The following GTF2F2 variants were observed in gnomAD, a reference collection of about 807,000 sequenced individuals.
The protein encoded by GTF2F2 is ATP-dependent helicase GTF2F2.
Under a neutral mutation model 42.2 loss-of-function variants are expected in GTF2F2, and 23 were observed. That is an observed-to-expected ratio of 0.55 (90% confidence interval 0.39 to 0.77). GTF2F2 has a LOEUF of 0.77. Among genes scored for constraint, GTF2F2 ranks in the 30% least tolerant of loss-of-function variants. GTF2F2 has a pLI of 0.00. For missense variants in GTF2F2, 261 were observed against 287.2 expected, an observed-to-expected ratio of 0.91 and a Z score of 0.66; for synonymous variants, 105 against 100.8, an observed-to-expected ratio of 1.04 and a Z score of -0.25.
intron 5 of GTF2F2, among the ~76,000 whole-genome samples, chr13:45,248,586 G>T (rs1040337982): frequency 6.6e-6 from 1 of 152,020 alleles, no homozygotes; most frequent in Non-Finnish European, 1.5e-5. Context: ...CAATTTTCCT[G>T]CCTCAGCCTC....
At chr13:45,235,041 C>CAAAAAAAAAAAAAAAAAAAAAA (rs61077504) in intron 5 of GTF2F2, among the ~76,000 whole-genome samples, 3 of 43,704 alleles carry the variant, frequency 6.9e-5, no homozygotes, top group Non-Finnish European at 1.2e-4. Context: ...GCGGGAAACT[C>CAAAAAAAAAAAAAAAAAAAAAA]AAAAAAAAAA....
intron 5 of GTF2F2, among the ~76,000 whole-genome samples, chr13:45,211,910 A>T (rs1159815382): frequency 6.6e-6 from 1 of 152,120 alleles, no homozygotes; most frequent in Non-Finnish European, 1.5e-5. Context: ...AAAGAATCAT[A>T]AGATACTATT....
intron 7 of GTF2F2, among the ~76,000 whole-genome samples, chr13:45,275,857 A>G (rs113180511): frequency 6.6e-6 from 1 of 152,144 alleles, no homozygotes; most frequent in Admixed American, 6.5e-5. Context: ...TTCTAGTTCT[A>G]GATCCTTGAG....
chr13:45,144,143 T>A (rs955419467), intron 2 of GTF2F2, among the ~76,000 whole-genome samples: 2 of 151,950 alleles, frequency 1.3e-5, no homozygotes, highest in Admixed American at 6.5e-5. Context: ...TCCCAGCTCC[T>A]CGGGAGGCTG....
At chr13:45,225,191 G>A (rs1297302149) in intron 5 of GTF2F2, among the ~76,000 whole-genome samples, 1 of 152,152 alleles carries the variant, frequency 6.6e-6, no homozygotes, top group East Asian at 1.9e-4. Context: ...ATATTCTGTA[G>A]TCTGGCAGAT....
At chr13:45,223,734 AAAT>A (rs1239392267) in intron 5 of GTF2F2, among the ~76,000 whole-genome samples, 2 of 152,250 alleles carry the variant, frequency 1.3e-5, no homozygotes. Context: ...AATGGTGAAT[AAAT>A]GACAGTACTG....
At chr13:45,159,696 A>T (rs1300135978) in intron 4 of GTF2F2, among the ~76,000 whole-genome samples, 2 of 151,630 alleles carry the variant, frequency 1.3e-5, no homozygotes, top group African/African-American at 4.8e-5. Context: ...CTGTTCTCAA[A>T]CTCCTGACCT....
chr13:45,200,332 T>C (rs559452358), intron 4 of GTF2F2, among the ~76,000 whole-genome samples: 1 of 152,178 alleles, frequency 6.6e-6, no homozygotes, highest in Non-Finnish European at 1.5e-5. Context: ...AAATTAAATT[T>C]TATTTTTTGA....
intron 5 of GTF2F2, among the ~76,000 whole-genome samples, chr13:45,238,945 G>GAA (rs201402405): frequency 6.8e-4 from 69 of 101,552 alleles, no homozygotes; most frequent in South Asian, 2.1e-3. Flanking sequence ...ATTCCATCTC[G>GAA]AAAAAAAAAA....
chr13:45,194,710 G>T, intron 4 of GTF2F2: 1 of 721,426 alleles, frequency 1.4e-6, no homozygotes, highest in Non-Finnish European at 2.3e-6. Flanking sequence ...CTGTCAGCTC[G>T]GTTTTGCAGT....
chr13:45,281,007 C>T (rs1877239061), intron 7 of GTF2F2, among the ~76,000 whole-genome samples: 1 of 152,214 alleles, frequency 6.6e-6, no homozygotes, highest in Non-Finnish European at 1.5e-5. Flanking sequence ...TTGTGCCTAA[C>T]CAATCATTTT....
chr13:45,276,913 C>G lies in GTF2F2; in HGVS notation c.631-6529C>G, dbSNP rs1198021776. 2.0e-5 allele frequency among the ~76,000 whole-genome samples: 3 copies of G among 152,088 alleles called. No individual in the cohort carries two copies. The East Asian group carries it at 5.8e-4, about 29-fold the overall frequency. On this transcript the variant is annotated intron_variant, in intron 7 of 7. Coordinates refer to ENST00000340473, the MANE Select transcript of GTF2F2 (RefSeq NM_004128.3). ...CACACAAATATTAACGCAATAATTG[C>G]TTTTTCAAGGTTTGGATTAAGCAGT...
intron 5 of GTF2F2, among the ~76,000 whole-genome samples, chr13:45,229,042 C>T (rs150860381): frequency 6.0e-4 from 91 of 152,162 alleles, no homozygotes; most frequent in African/African-American, 2.1e-3. Flanking sequence ...CCACCACATC[C>T]GGCTAATTTT....
chr13:45,200,241 G>A (rs1873109022), intron 4 of GTF2F2, among the ~76,000 whole-genome samples: 1 of 151,890 alleles, frequency 6.6e-6, no homozygotes, highest in South Asian at 2.1e-4. Flanking sequence ...AATTTTGCAG[G>A]GAGATGAGAG....
chr13:45,228,281 A>ATTTTTTTTTTTTTTTTTTTTTTTTTTTTT (rs1874467229), intron 5 of GTF2F2, among the ~76,000 whole-genome samples: 1 of 85,684 alleles, frequency 1.2e-5, no homozygotes, highest in Non-Finnish European at 2.1e-5. Context: ...GCCAGAGTTA[A>ATTTTTTTTTTTTTTTTTTTTTTTTTTTTT]TCTTTTTTTT....
intron 5 of GTF2F2, among the ~76,000 whole-genome samples, chr13:45,235,069 A>T (rs560937985): frequency 3.5e-5 from 5 of 141,686 alleles, no homozygotes; most frequent in Non-Finnish European, 1.5e-5. Flanking sequence ...AAAAAAAAAA[A>T]AAGGTCATAG....
At chr13:45,256,941 A>C (rs1876128639) in intron 6 of GTF2F2, among the ~76,000 whole-genome samples, 1 of 152,182 alleles carries the variant, frequency 6.6e-6, no homozygotes, top group Non-Finnish European at 1.5e-5. Context: ...AAAAATTTGT[A>C]CAAAAAAGTG....
At chr13:45,155,367 A>G (rs930358404) in intron 4 of GTF2F2, among the ~76,000 whole-genome samples, 2 of 152,106 alleles carry the variant, frequency 1.3e-5, no homozygotes, top group Admixed American at 1.3e-4. Flanking sequence ...GTTTCTTTTT[A>G]TTAGTGCACA....
intron 1 of GTF2F2, among the ~76,000 whole-genome samples, chr13:45,130,400 A>C (rs1869284774): frequency 6.6e-6 from 1 of 152,338 alleles, no homozygotes; most frequent in Admixed American, 6.5e-5. Flanking sequence ...GATGTCTGTT[A>C]AATAAATGGA....
Sources: gnomAD v4.1 joint callset for allele counts (sites outside exome capture counted in the v4.1 genomes callset) on GRCh38, gnomAD v4.1.1 for gene constraint, MANE v1.5 for transcripts, NCBI Gene and HGNC (gene_info 2026-07-23, HGNC 2026-07-21) for gene names.